Variants in RNF11 observed in about 807,000 individuals in gnomAD.
RNF11 encodes ring finger protein 11.
In RNF11, 4 loss-of-function variants were observed where a neutral mutation model predicts 15.8. The ratio of observed to expected loss-of-function variants is 0.25; its 90% confidence interval spans 0.12 to 0.58. The LOEUF is 0.58. RNF11 is among the 20% of genes least tolerant of loss of function. The pLI is 0.91. For missense variants in RNF11, 139 were observed against 194.4 expected, an observed-to-expected ratio of 0.71 and a Z score of 1.70; for synonymous variants, 68 against 72.3, an observed-to-expected ratio of 0.94 and a Z score of 0.30.
At chr1:51,262,651 G>T (rs1257376350) in intron 1 of RNF11, among the ~76,000 whole-genome samples, 2 of 149,260 alleles carry the variant, frequency 1.3e-5, no homozygotes, top group East Asian at 3.9e-4. Flanking sequence ...GGTTCAAGCA[G>T]TTCTTGTGCG....
chr1:51,250,172 G>A (rs1426591065), intron 1 of RNF11, among the ~76,000 whole-genome samples: 1 of 152,028 alleles, frequency 6.6e-6, no homozygotes, highest in African/African-American at 2.4e-5. Context: ...AAGTATAATT[G>A]ATATAATTAT....
intron 1 of RNF11, among the ~76,000 whole-genome samples, chr1:51,252,288 G>A (rs1646883498): frequency 6.6e-6 from 1 of 152,106 alleles, no homozygotes; most frequent in African/African-American, 2.4e-5. Flanking sequence ...TAGCTTATTA[G>A]TAGTTAAGTT....
At chr1:51,257,669 G>GCTGGTCTCAAGATC (rs894614344) in intron 1 of RNF11, among the ~76,000 whole-genome samples, 1 of 151,610 alleles carries the variant, frequency 6.6e-6, no homozygotes, top group African/African-American at 2.4e-5. Context: ...CATTGCCCAG[G>GCTGGTCTCAAGATC]CTGGTCTCAA....
At chr1:51,264,290 ATATATATATATATATATAT>A (rs1646944816) in intron 1 of RNF11, among the ~76,000 whole-genome samples, 4 of 67,258 alleles carry the variant, frequency 5.9e-5, no homozygotes, top group African/African-American at 3.1e-4. Context: ...AAAAAAAAAT[ATATATATATATATATATAT>A]ATATATATAC....
intron 1 of RNF11, among the ~76,000 whole-genome samples, chr1:51,237,428 A>G (rs1646809550): frequency 1.5e-5 from 2 of 137,626 alleles, no homozygotes; most frequent in African/African-American, 5.6e-5. Context: ...GTGTGTGTAT[A>G]TATATATATA....
chr1:51,243,633 T>G (rs1385704268), intron 1 of RNF11, among the ~76,000 whole-genome samples: 1 of 152,116 alleles, frequency 6.6e-6, no homozygotes, highest in Non-Finnish European at 1.5e-5. Flanking sequence ...GAAATGGGGT[T>G]TCACCATATT....
At chr1:51,255,573 C>G (rs1243748160) in intron 1 of RNF11, among the ~76,000 whole-genome samples, 2 of 152,182 alleles carry the variant, frequency 1.3e-5, no homozygotes, top group Non-Finnish European at 2.9e-5. Flanking sequence ...CACTTTCTTG[C>G]TGGTGTTTTT....
rs1385762980 is a variant in RNF11, at chr1:51,272,348, G to A, written c.*1026G>A. ...ATACTGCATCTCTCATTACTGTAGT[G>A]CTGAGGTTATTGAAGTTATACAAAA... On this transcript the variant is annotated 3_prime_UTR_variant, in exon 3 of 3. Coordinates refer to ENST00000242719, the MANE Select transcript of RNF11 (RefSeq NM_014372.5). 1 of 152,578 alleles carries A rather than the reference G, an allele frequency of 6.6e-6. No individual in the cohort carries two copies. The highest frequency in any genetic ancestry group is 1.5e-5 in the Non-Finnish European group (1 of 68,022). 9.5% of individuals were successfully genotyped at this position (152,578 alleles called of 1,614,324 possible).
intron 1 of RNF11, among the ~76,000 whole-genome samples, chr1:51,240,997 G>T (rs1646826729): frequency 6.6e-6 from 1 of 151,862 alleles, no homozygotes; most frequent in Non-Finnish European, 1.5e-5. Flanking sequence ...TTGTACTTTT[G>T]GTAGAGATGG....
intron 1 of RNF11, among the ~76,000 whole-genome samples, chr1:51,241,925 G>A (rs1163901978): frequency 6.6e-6 from 1 of 152,092 alleles, no homozygotes; most frequent in East Asian, 1.9e-4. Flanking sequence ...CTAAATTGAG[G>A]GAGGCACTTT....
At chr1:51,240,481 CAT>C (rs1646823720) in intron 1 of RNF11, among the ~76,000 whole-genome samples, 1 of 152,162 alleles carries the variant, frequency 6.6e-6, no homozygotes, top group African/African-American at 2.4e-5. Flanking sequence ...TACATTCCAA[CAT>C]GTGTTAGAAA....
chr1:51,260,171 G>A (rs1646923925), intron 1 of RNF11, among the ~76,000 whole-genome samples: 1 of 152,114 alleles, frequency 6.6e-6, no homozygotes, highest in South Asian at 2.1e-4. Context: ...AAACATTTCA[G>A]TTTTTTGGTA....
chr1:51,237,037 A>G (rs1015082015), intron 1 of RNF11, among the ~76,000 whole-genome samples, 158 bp downstream of exon 1: 4 of 152,092 alleles, frequency 2.6e-5, no homozygotes, highest in African/African-American at 9.7e-5. Context: ...CTCTGATCTC[A>G]GAGTAAGGTT....
chr1:51,254,213 T>C (rs1342436670), intron 1 of RNF11, among the ~76,000 whole-genome samples: 1 of 152,142 alleles, frequency 6.6e-6, no homozygotes, highest in Non-Finnish European at 1.5e-5. Flanking sequence ...TATAGTTTTT[T>C]TTTTAAATCA....
rs561739373 is a variant in RNF11, at chr1:51,258,413, T to C, written c.124-11543T>C. On this transcript the variant is annotated intron_variant, in intron 1 of 2. Coordinates refer to ENST00000242719, the MANE Select transcript of RNF11 (RefSeq NM_014372.5). ...CTGCACAGTGAGGCAGAAAATGTTA[T>C]ATAATACACTAGATTTGGCTCAAAG... 4.6e-5 allele frequency among the ~76,000 whole-genome samples: 7 copies of C among 152,298 alleles called. No individual in the cohort carries two copies. In the South Asian group the frequency reaches 6.2e-4, roughly 14 times the overall value.
chr1:51,257,856 T>C (rs1315929793), intron 1 of RNF11, among the ~76,000 whole-genome samples: 8 of 141,426 alleles, frequency 5.7e-5, no homozygotes, highest in Non-Finnish European at 6.2e-5. Flanking sequence ...TTCTTTTCTT[T>C]TTTTTTTTTT....
At chr1:51,268,873 C>G (rs894739728) in intron 1 of RNF11, among the ~76,000 whole-genome samples, 1 of 152,204 alleles carries the variant, frequency 6.6e-6, no homozygotes, top group African/African-American at 2.4e-5. Context: ...GACAGTAGCA[C>G]TTAGCTTAAA....
intron 1 of RNF11, among the ~76,000 whole-genome samples, chr1:51,256,158 C>A (rs1646903317): frequency 6.6e-6 from 1 of 152,168 alleles, no homozygotes; most frequent in Admixed American, 6.5e-5. Flanking sequence ...TAATGACATG[C>A]ATCCACCATT....
intron 1 of RNF11, among the ~76,000 whole-genome samples, chr1:51,263,629 G>A (rs2148073201): frequency 6.6e-6 from 1 of 152,210 alleles, no homozygotes; most frequent in South Asian, 2.1e-4. Context: ...TTTTATTAGG[G>A]TGGTCTGGAA....
Sources: gnomAD v4.1 joint callset for allele counts (sites outside exome capture counted in the v4.1 genomes callset) on GRCh38, gnomAD v4.1.1 for gene constraint, MANE v1.5 for transcripts, NCBI Gene and HGNC (gene_info 2026-07-23, HGNC 2026-07-21) for gene names.